Variants in CREB5 observed in about 807,000 individuals in gnomAD.
CREB5 encodes the protein cAMP responsive element binding protein 5.
Under a neutral mutation model 57.1 loss-of-function variants are expected in CREB5, and 19 were observed. The observed-to-expected ratio is 0.33, with a 90% CI of 0.23 to 0.49. The LOEUF is 0.49. Among genes scored for constraint, CREB5 ranks in the 20% least tolerant of loss-of-function variants. The pLI is 0.99. For synonymous variants in CREB5, 238 were observed against 238.3 expected (o/e 1.00, Z 0.01); for missense variants, 579 against 671.6 (o/e 0.86, Z 1.52).
intron 1 of CREB5, among the ~76,000 whole-genome samples, chr7:28,481,217 A>G (rs956481471): frequency 3.3e-5 from 5 of 152,326 alleles, no homozygotes; most frequent in South Asian, 4.1e-4. Flanking sequence ...GCCTCATTGG[A>G]AGGGAACTTC....
At chr7:28,696,073 C>A (rs1372165559) in intron 5 of CREB5, among the ~76,000 whole-genome samples, 1 of 152,238 alleles carries the variant, frequency 6.6e-6, no homozygotes, top group African/African-American at 2.4e-5. Context: ...AGTGGAGCAG[C>A]ATTTTCACAA....
chr7:28,529,221 T>G (rs1345063607), intron 4 of CREB5, among the ~76,000 whole-genome samples: 2 of 152,152 alleles, frequency 1.3e-5, no homozygotes, highest in Admixed American at 1.3e-4. Flanking sequence ...GGGCTCCAGT[T>G]TTTCCACCCA....
chr7:28,538,474 A>G (rs755162375), intron 4 of CREB5, among the ~76,000 whole-genome samples: 6 of 152,236 alleles, frequency 3.9e-5, no homozygotes, highest in Non-Finnish European at 5.9e-5. Flanking sequence ...CTGATATAAT[A>G]TATGACTCTT....
intron 1 of CREB5, among the ~76,000 whole-genome samples, chr7:28,406,723 A>G (rs1787588488): frequency 6.6e-6 from 1 of 152,226 alleles, no homozygotes; most frequent in Non-Finnish European, 1.5e-5. Context: ...TGCAGCCTCC[A>G]TGAAACTCTG....
intron 1 of CREB5, among the ~76,000 whole-genome samples, chr7:28,313,059 T>C (rs536280593): frequency 2.0e-5 from 3 of 152,262 alleles, no homozygotes; most frequent in African/African-American, 7.2e-5. Flanking sequence ...GACATTGGAG[T>C]TACTAAAACT....
chr7:28,625,370 G>A (rs1053310766), intron 5 of CREB5, among the ~76,000 whole-genome samples: 3 of 152,080 alleles, frequency 2.0e-5, no homozygotes, highest in African/African-American at 7.2e-5. Context: ...CTCCAACTAC[G>A]GGAAGTGCAA....
At chr7:28,740,396 C>T (rs1191470078) in intron 7 of CREB5, among the ~76,000 whole-genome samples, 1 of 152,108 alleles carries the variant, frequency 6.6e-6, no homozygotes, top group Admixed American at 6.5e-5. Flanking sequence ...GGAGTGTCTG[C>T]GAAGTGCAGG....
chr7:28,803,554 C>G (rs1808497285), intron 7 of CREB5, among the ~76,000 whole-genome samples: 1 of 151,938 alleles, frequency 6.6e-6, no homozygotes, highest in Non-Finnish European at 1.5e-5. Flanking sequence ...GTCAGGAGTT[C>G]AAGACCAGCC....
intron 1 of CREB5, among the ~76,000 whole-genome samples, chr7:28,435,389 T>TG (rs1788918613): frequency 6.7e-6 from 1 of 150,054 alleles, no homozygotes; most frequent in African/African-American, 2.5e-5. Flanking sequence ...CCATTTTTTT[T>TG]TTTTTTTTTT....
chr7:28,415,279 C>T (rs1038567110), intron 1 of CREB5, among the ~76,000 whole-genome samples: 3 of 152,034 alleles, frequency 2.0e-5, no homozygotes, highest in African/African-American at 7.2e-5. Flanking sequence ...GATTGATAGA[C>T]CAATTTTTCA....
intron 5 of CREB5, among the ~76,000 whole-genome samples, chr7:28,630,873 C>T (rs1399922059): frequency 6.6e-6 from 1 of 152,148 alleles, no homozygotes; most frequent in Non-Finnish European, 1.5e-5. Context: ...TATTGACTAC[C>T]TCCCTTGTAT....
At chr7:28,481,978 G>A (rs1046121865) in intron 1 of CREB5, among the ~76,000 whole-genome samples, 6 of 152,142 alleles carry the variant, frequency 3.9e-5, no homozygotes, top group Admixed American at 1.3e-4. Flanking sequence ...TCTGTGGAAA[G>A]TTACAATATT....
chr7:28,406,603 G>A (rs746267043), intron 1 of CREB5, among the ~76,000 whole-genome samples: 4 of 152,210 alleles, frequency 2.6e-5, no homozygotes, highest in Admixed American at 6.5e-5. Flanking sequence ...GTGGGTGAGA[G>A]GGCATTCCTA....
intron 1 of CREB5, among the ~76,000 whole-genome samples, chr7:28,487,572 C>A (rs571184485): frequency 2.6e-5 from 4 of 152,322 alleles, no homozygotes; most frequent in African/African-American, 7.2e-5. Context: ...TGAGGCATAT[C>A]AAATGCCTGA....
At position 28,724,316 on chromosome 7, in the gene CREB5, A is replaced by C; in HGVS notation, c.686A>C (p.His229Pro). The C allele has an allele frequency of 6.2e-7, 1 of 1,613,662 alleles. No homozygotes were observed. Among genetic ancestry groups the C allele is most frequent in the South Asian group, 1.1e-5 (1 of 91,064 alleles). Residue 229 changes from histidine to proline, a missense_variant, in exon 7 of 11, where the codon CAT becomes CCT. By Grantham distance (77) the His-to-Pro change is moderately conservative. This residue lies in a region of CREB5 where 459 missense variants were observed against 515.7 expected (regional missense o/e 0.89). Transcript: ENST00000357727. ...GCTTCTCCCCAGGTCCAGCCAATGC[A>C]TTCAGAAGCCAAAATGGTAAGTAAC... ...PCASPQVQPMHSEAKMRLKAA... is the reference protein window; with the variant it reads ...PCASPQVQPMPSEAKMRLKAA...
intron 2 of CREB5, among the ~76,000 whole-genome samples, chr7:28,494,490 T>C (rs536237708): frequency 2.0e-5 from 3 of 152,282 alleles, no homozygotes; most frequent in South Asian, 4.1e-4. Context: ...AAGAAATATA[T>C]AGTTTAGTGA....
At chr7:28,328,255 C>A (rs370688667) in intron 1 of CREB5, among the ~76,000 whole-genome samples, 1 of 152,176 alleles carries the variant, frequency 6.6e-6, no homozygotes, top group African/African-American at 2.4e-5. Flanking sequence ...AGCCTCCCTT[C>A]TTAGTAAAAT....
At chr7:28,397,808 G>GT (rs1787370063) in intron 1 of CREB5, among the ~76,000 whole-genome samples, 1 of 152,154 alleles carries the variant, frequency 6.6e-6, no homozygotes, top group Non-Finnish European at 1.5e-5. Flanking sequence ...TATGAAGCCA[G>GT]TATCATTGTC....
chr7:28,399,418 T>TAAAAAAAAA (rs34901571), intron 1 of CREB5, among the ~76,000 whole-genome samples: 1 of 128,156 alleles, frequency 7.8e-6, no homozygotes. Flanking sequence ...ATCATTCTGG[T>TAAAAAAAAA]AAAAAAAAAA....
Sources: gnomAD v4.1 joint callset for allele counts (sites outside exome capture counted in the v4.1 genomes callset) on GRCh38, gnomAD v4.1.1 for gene constraint, gnomAD v4.1.1 regional missense constraint, MANE v1.5 for transcripts, NCBI Gene and HGNC (gene_info 2026-07-23, HGNC 2026-07-21) for gene names.